The following ARHGAP44 variants were observed in gnomAD, a reference collection of about 807,000 sequenced individuals.
The protein encoded by ARHGAP44 is Rho GTPase activating protein 44, also known as rho GTPase-activating protein 44.
A neutral mutation model predicts 106.8 loss-of-function variants in ARHGAP44; 43 were observed. The ratio of observed to expected loss-of-function variants is 0.40; its 90% CI spans 0.32 to 0.52. The LOEUF is 0.52. ARHGAP44 is among the 20% of genes least tolerant of loss of function. The probability of loss-of-function intolerance (pLI) is 0.48; values close to 1 mark genes in which losing one functional copy is unlikely to be tolerated. For synonymous variants in ARHGAP44, 439 were observed against 410.3 expected, an observed-to-expected ratio of 1.07 and a Z score of -0.85; for missense variants, 866 against 1,050.5, an observed-to-expected ratio of 0.82 and a Z score of 2.43.
chr17:12,799,610 A>G (rs1164458367), intron 1 of ARHGAP44, among the ~76,000 whole-genome samples: 1 of 152,158 alleles, frequency 6.6e-6, no homozygotes, highest in Non-Finnish European at 1.5e-5. Context: ...AATCTCCAGC[A>G]GTCTTCTTTC....
chr17:12,905,000 C>A (rs992739624), intron 3 of ARHGAP44, among the ~76,000 whole-genome samples: 4 of 152,010 alleles, frequency 2.6e-5, no homozygotes, highest in African/African-American at 9.7e-5. Context: ...CTCCCAGGTT[C>A]TAGCAATTCT....
At chr17:12,916,888 T>C (rs2037932532) in intron 5 of ARHGAP44, among the ~76,000 whole-genome samples, 1 of 152,250 alleles carries the variant, frequency 6.6e-6, no homozygotes, top group Non-Finnish European at 1.5e-5. Context: ...CATCTGTTAA[T>C]AGATTGAGCA....
At chr17:12,948,144 G>T (rs956406700) in intron 10 of ARHGAP44, among the ~76,000 whole-genome samples, 2 of 152,162 alleles carry the variant, frequency 1.3e-5, no homozygotes, top group Admixed American at 6.6e-5. Flanking sequence ...TGACGTGGAG[G>T]TTTCTTTCCA....
At chr17:12,852,891 T>C (rs894324465) in intron 1 of ARHGAP44, among the ~76,000 whole-genome samples, 1 of 152,104 alleles carries the variant, frequency 6.6e-6, no homozygotes, top group African/African-American at 2.4e-5. Context: ...GAGAAATTAG[T>C]ATAGATTGCA....
chr17:12,960,839 C>T (rs936266576), intron 16 of ARHGAP44, among the ~76,000 whole-genome samples: 3 of 152,080 alleles, frequency 2.0e-5, no homozygotes, highest in Non-Finnish European at 4.4e-5. Context: ...ACTGGGATTA[C>T]AAGTGTGAGC....
intron 1 of ARHGAP44, among the ~76,000 whole-genome samples, chr17:12,803,259 A>G (rs1018793423): frequency 1.3e-5 from 2 of 151,662 alleles, no homozygotes; most frequent in Admixed American, 1.3e-4. Flanking sequence ...AGCGTGAGCT[A>G]CCGCGCCCAG....
intron 7 of ARHGAP44, chr17:12,929,478 C>T (rs1018463185): frequency 1.3e-5 from 2 of 155,172 alleles, no homozygotes; most frequent in African/African-American, 4.8e-5. Context: ...TCCTATGCCT[C>T]CTGGAAGACA....
rs1598114450 is a variant in ARHGAP44, at chr17:12,956,196, G to A, written c.1250+216G>A. Among the ~76,000 whole-genome samples, 3 of 152,258 alleles carry A rather than the reference G, an allele frequency of 2.0e-5. No individual in the cohort carries two copies. In the South Asian group the frequency reaches 6.2e-4, roughly 32 times the overall value. On this transcript the variant is annotated intron_variant, in intron 14 of 20. Transcript: ENST00000379672. The stretch of plus-strand genomic sequence containing the variant: ...ATGGTCCCAGAGCTACAGGTCTGAA[G>A]TCAGGGTCTTCTCTGAGCTAATTAA...
At chr17:12,972,326 A>G (rs533639643) in intron 16 of ARHGAP44, among the ~76,000 whole-genome samples, 1 of 152,272 alleles carries the variant, frequency 6.6e-6, no homozygotes, top group East Asian at 1.9e-4. Flanking sequence ...AAGGGAACTA[A>G]CCACCTGCTA....
At chr17:12,967,651 C>G (rs2039426980) in intron 16 of ARHGAP44, among the ~76,000 whole-genome samples, 1 of 152,122 alleles carries the variant, frequency 6.6e-6, no homozygotes, top group Non-Finnish European at 1.5e-5. Context: ...TACTGGTTTA[C>G]CCTTAGCTGC....
intron 1 of ARHGAP44, among the ~76,000 whole-genome samples, chr17:12,873,596 C>A (rs1161703238): frequency 6.6e-6 from 1 of 152,204 alleles, no homozygotes; most frequent in Non-Finnish European, 1.5e-5. Context: ...TAAGAAACCA[C>A]CAGCTGGGCG....
intron 5 of ARHGAP44, among the ~76,000 whole-genome samples, chr17:12,918,808 T>C (rs2037990286): frequency 6.6e-6 from 1 of 152,218 alleles, no homozygotes; most frequent in East Asian, 1.9e-4. Flanking sequence ...AAGAGGGATG[T>C]GGTTGAGCCC....
At chr17:12,822,594 G>T (rs1477191028) in intron 1 of ARHGAP44, among the ~76,000 whole-genome samples, 3 of 152,186 alleles carry the variant, frequency 2.0e-5, no homozygotes, top group African/African-American at 7.2e-5. Flanking sequence ...TAGAATGCAA[G>T]CCATTGGCAA....
At chr17:12,860,996 A>G (rs1227283402) in intron 1 of ARHGAP44, among the ~76,000 whole-genome samples, 1 of 151,862 alleles carries the variant, frequency 6.6e-6, no homozygotes. Flanking sequence ...ACCTGGGACT[A>G]CAGGTACGCA....
In ARHGAP44 at chr17:12,947,545, C is replaced by A. The variant is rs80332483; in HGVS notation, c.862-1595C>A. 3.0e-3 allele frequency among the ~76,000 whole-genome samples: 457 copies of A among 152,314 alleles called. 10 individuals are homozygous for A. The East Asian group carries it at 0.063, about 21-fold the overall frequency. On this transcript the variant is annotated intron_variant, in intron 10 of 20. Coordinates refer to ENST00000379672, the MANE Select transcript of ARHGAP44 (RefSeq NM_014859.6). ...AGGCTTCACTCGTGCTCACTGCCAT[C>A]CTTCAACATTTCCATGCACACTTTC...
At position 12,937,360 on chromosome 17, in the gene ARHGAP44, C is replaced by T. The variant is rs2038577960; in HGVS notation, c.583-3696C>T. 3.3e-5 allele frequency among the ~76,000 whole-genome samples: 5 copies of T among 152,246 alleles called. No individual in the cohort carries two copies. The South Asian group carries it at 8.3e-4, about 25-fold the overall frequency. ...GGAGAGGATTTTTCTCTGAAATTTC[C>T]TGTGAGAACCTGATCTTAGAGCTCC... is the stretch of plus-strand genomic sequence containing the variant. On this transcript the variant is annotated intron_variant, in intron 7 of 20. Coordinates refer to ENST00000379672, the MANE Select transcript of ARHGAP44 (RefSeq NM_014859.6).
At chr17:12,801,269 A>G (rs2034085576) in intron 1 of ARHGAP44, among the ~76,000 whole-genome samples, 1 of 152,274 alleles carries the variant, frequency 6.6e-6, no homozygotes, top group Non-Finnish European at 1.5e-5. Context: ...ATGTGTGTGC[A>G]CACTGGCTTG....
intron 1 of ARHGAP44, among the ~76,000 whole-genome samples, chr17:12,869,447 T>C (rs1308508927): frequency 2.0e-5 from 3 of 151,784 alleles, no homozygotes; most frequent in Admixed American, 2.0e-4. Context: ...TTTTTTTTTA[T>C]TTTTACAACT....
chr17:12,884,547 A>G (rs867087300), intron 1 of ARHGAP44, among the ~76,000 whole-genome samples: 1 of 152,172 alleles, frequency 6.6e-6, no homozygotes, highest in Non-Finnish European at 1.5e-5. Flanking sequence ...TACTTTTAAA[A>G]TTTACATGAA....
Sources: gnomAD v4.1 joint callset for allele counts (sites outside exome capture counted in the v4.1 genomes callset) on GRCh38, gnomAD v4.1.1 for gene constraint, MANE v1.5 for transcripts, NCBI Gene and HGNC (gene_info 2026-07-23, HGNC 2026-07-21) for gene names.